Variants in TALDO1 observed in about 807,000 individuals in gnomAD.
The protein encoded by TALDO1 is transaldolase.
A neutral mutation model predicts 38.1 loss-of-function variants in TALDO1; 29 were observed. The ratio of observed to expected loss-of-function variants is 0.76; its 90% CI spans 0.57 to 1.04. The LOEUF (loss-of-function observed/expected upper bound fraction) is 1.04. TALDO1 is among the 50% of genes least tolerant of loss of function. TALDO1 has a pLI of 0.00. For missense variants in TALDO1, 499 were observed against 438.1 expected, an observed-to-expected ratio of 1.14 and a Z score of -1.24; for synonymous variants, 207 against 176.8, an observed-to-expected ratio of 1.17 and a Z score of -1.36.
At chr11:750,655 T>A (rs1345561889) in intron 1 of TALDO1, among the ~76,000 whole-genome samples, 1 of 151,862 alleles carries the variant, frequency 6.6e-6, no homozygotes. Context: ...AAACCCCATC[T>A]CTACTAAAAA....
chr11:764,681 CCCTGT>C, intron 7 of TALDO1, 127 bp from the exon 8 acceptor site: 1 of 1,479,398 alleles, frequency 6.8e-7, no homozygotes, highest in Non-Finnish European at 9.4e-7. Context: ...GTATTGGCCA[CCCTGT>C]GGCCGTGGCC....
chr11:756,094 AC>A (rs1862833110), intron 2 of TALDO1, 92 bp downstream of exon 2: 3 of 1,510,788 alleles, frequency 2.0e-6, no homozygotes, highest in Non-Finnish European at 2.7e-6. Context: ...TAGTTCTCAA[AC>A]ACCATGAACT....
chr11:763,832 G>A lies in TALDO1; in HGVS notation c.723G>A (p.Thr241=), dbSNP rs201368721. The part of the protein sequence containing the change: ...TIVMGASFRN[T]GEIKALAGCD... ...TCATGGGCGCCTCCTTCCGCAACAC[G>A]GGCGAGATCAAAGCACTGGCCGGCT... Residue 241 remains threonine (T), a synonymous_variant, in exon 6 of 8, where the codon ACG becomes ACA. Coordinates refer to ENST00000319006, the MANE Select transcript of TALDO1 (RefSeq NM_006755.2). 55 of 1,614,040 alleles carry A rather than the reference G, an allele frequency of 3.4e-5. 1 individual carries two copies. In the South Asian group the frequency reaches 3.8e-4, roughly 11 times the overall value.
chr11:760,833 G>A (rs1014722394), intron 4 of TALDO1: 1 of 159,876 alleles, frequency 6.3e-6, no homozygotes, highest in Admixed American at 6.0e-5. Context: ...AGGAGATCGA[G>A]ACCATCCTGG....
chr11:759,841 A>G (rs957882728), intron 3 of TALDO1, among the ~76,000 whole-genome samples: 2 of 152,144 alleles, frequency 1.3e-5, no homozygotes, highest in Non-Finnish European at 2.9e-5. Flanking sequence ...CAGCCTCCCA[A>G]AGTGTTGGGA....
chr11:762,900 G>A (rs955900445), intron 4 of TALDO1, among the ~76,000 whole-genome samples: 3 of 152,236 alleles, frequency 2.0e-5, no homozygotes, highest in Non-Finnish European at 2.9e-5. Context: ...GGTCAGAGAT[G>A]ACTCAGTGGT....
At chr11:752,065 T>G (rs991472971) in intron 1 of TALDO1, among the ~76,000 whole-genome samples, 13 of 151,934 alleles carry the variant, frequency 8.6e-5, no homozygotes, top group Admixed American at 2.0e-4. Flanking sequence ...AATTATCTAC[T>G]TGCTTTTCTT....
intron 1 of TALDO1, among the ~76,000 whole-genome samples, chr11:755,134 C>CT (rs1564991025): frequency 3.3e-5 from 4 of 122,014 alleles, no homozygotes; most frequent in Admixed American, 2.0e-4. Flanking sequence ...TTCCCCTTGG[C>CT]CTTTTTTTTT....
intron 2 of TALDO1, among the ~76,000 whole-genome samples, chr11:757,116 ACTGAGT>A (rs1448687521): frequency 2.6e-5 from 4 of 152,106 alleles, no homozygotes; most frequent in African/African-American, 9.7e-5. Context: ...CACTCTGGAC[ACTGAGT>A]CTGACCCTCT....
At chr11:749,308 CAGG>C (rs1448614103) in intron 1 of TALDO1, among the ~76,000 whole-genome samples, 2 of 147,346 alleles carry the variant, frequency 1.4e-5, no homozygotes, top group Non-Finnish European at 3.0e-5. Flanking sequence ...GAGGCTGAGG[CAGG>C]AGAATTGCTG....
At chr11:762,761 G>A (rs1299689702) in intron 4 of TALDO1, among the ~76,000 whole-genome samples, 2 of 152,250 alleles carry the variant, frequency 1.3e-5, no homozygotes. Context: ...TGTCCAAAGT[G>A]CACTGGGATT....
rs1160833464 is a variant in TALDO1 at position 747,721 on chromosome 11, G to T, written c.97+143G>T. 4 of 720,606 alleles carry T rather than the reference G, an allele frequency of 5.6e-6. No individual in the cohort carries two copies. The African/African-American group carries it at 5.7e-5, about 10-fold the overall frequency. The allele number at this position is 720,606 out of a possible 1,614,324, so 44.6% of individuals were successfully genotyped here. On this transcript the variant is annotated intron_variant, in intron 1 of 7. Transcript: ENST00000319006. Reference sequence around the variant, plus strand: ...CGTTCCGGGAGGAATGAGCGCAGGTGCCGGATGTTGGGGCCAGGGACAGCC... The same window carrying T: ...CGTTCCGGGAGGAATGAGCGCAGGTTCCGGATGTTGGGGCCAGGGACAGCC...
intron 1 of TALDO1, among the ~76,000 whole-genome samples, chr11:750,708 C>G (rs1362635390): frequency 6.6e-6 from 1 of 151,956 alleles, no homozygotes; most frequent in Non-Finnish European, 1.5e-5. Context: ...GCCTGTAGTC[C>G]CAGCTACTCG....
Position 760,232 on chromosome 11 carries a change from G to A in TALDO1, c.440G>A (p.Trp147Ter). ...ATTCTTATAAAGCTGTCATCAACCTGGGAAGGAATTCAGGCTGGAAAGTAA... is the reference window on the plus strand; with the variant it reads ...ATTCTTATAAAGCTGTCATCAACCTAGGAAGGAATTCAGGCTGGAAAGTAA... ...DRILIKLSST[W>*]EGIQAGKELE... Residue 147 changes from tryptophan (W) to a stop codon, truncating the protein, a stop_gained, in exon 4 of 8, where the codon TGG becomes TAG. Transcript: ENST00000319006. LOFTEE classifies it high-confidence loss of function. 6.2e-7 allele frequency: 1 copy of A among 1,614,112 alleles called. No homozygotes were observed. Among genetic ancestry groups the A allele is most frequent in the Non-Finnish European group, 8.5e-7 (1 of 1,180,006 alleles).
At chr11:748,290 C>A (rs1190050854) in intron 1 of TALDO1, among the ~76,000 whole-genome samples, 1 of 152,246 alleles carries the variant, frequency 6.6e-6, no homozygotes, top group East Asian at 1.9e-4. Flanking sequence ...GCCTGCTGGA[C>A]AGCCACCGCC....
intron 4 of TALDO1, chr11:760,769 G>A (rs1438141513): frequency 1.2e-5 from 2 of 170,014 alleles, no homozygotes; most frequent in East Asian, 3.2e-4. Context: ...ATTTTAGGCT[G>A]GGCACGGTGG....
At chr11:757,297 T>A (rs973913901) in intron 2 of TALDO1, among the ~76,000 whole-genome samples, 1 of 151,076 alleles carries the variant, frequency 6.6e-6, no homozygotes, top group Non-Finnish European at 1.5e-5. Flanking sequence ...AAATTTTTTT[T>A]TTTTTTTTTT....
At chr11:752,994 GAATT>G (rs1862773327) in intron 1 of TALDO1, among the ~76,000 whole-genome samples, 1 of 152,196 alleles carries the variant, frequency 6.6e-6, no homozygotes, top group African/African-American at 2.4e-5. Flanking sequence ...ATCCACTGAA[GAATT>G]AATTGCTTGT....
intron 2 of TALDO1, among the ~76,000 whole-genome samples, chr11:757,367 A>G: frequency 6.7e-6 from 1 of 148,724 alleles, no homozygotes; most frequent in African/African-American, 2.5e-5. Flanking sequence ...ATCTCAGCTC[A>G]CTGCAGCCTC....
Sources: allele counts gnomAD v4.1 joint callset (sites outside exome capture counted in the v4.1 genomes callset), GRCh38; gene constraint gnomAD v4.1.1; transcripts MANE v1.5; gene names NCBI Gene and HGNC (gene_info 2026-07-23, HGNC 2026-07-21).